Variants in BICD2 observed in about 807,000 individuals in gnomAD.
BICD2 encodes the protein protein bicaudal D homolog 2.
In BICD2, 25 loss-of-function variants were observed where a neutral mutation model predicts 72.9. The ratio of observed to expected loss-of-function variants is 0.34; its 90% CI spans 0.25 to 0.48. The LOEUF (loss-of-function observed/expected upper bound fraction) is 0.48. BICD2 is among the 20% of genes least tolerant of loss of function. The probability of loss-of-function intolerance (pLI) is 0.99; values close to 1 mark genes in which losing one functional copy is unlikely to be tolerated. For missense variants in BICD2, 894 were observed against 1,175.2 expected (o/e 0.76, Z 3.50); for synonymous variants, 501 against 516.1 (o/e 0.97, Z 0.40).
chr9:92,722,906 A>C lies in BICD2; in HGVS notation c.454-98T>G. The C allele has an allele frequency of 3.4e-6, 5 of 1,477,592 alleles. No homozygotes were observed. In the Admixed American group the frequency reaches 9.1e-5, roughly 27 times the overall value. The allele number at this position is 1,477,592 out of a possible 1,614,324, so 91.5% of individuals were successfully genotyped here. A position where few individuals can be genotyped will look rare whatever the true frequency, so the allele number is the denominator to read the frequency against. The stretch of plus-strand genomic sequence containing the variant: ...ACGCCATGGCCAGCCATACAGCCAG[A>C]ACTCAAGAGCCCTGGCCTGCAGGTG... On this transcript the variant is annotated intron_variant, in intron 2 of 6. Transcript: ENST00000356884.
intron 1 of BICD2, among the ~76,000 whole-genome samples, chr9:92,741,759 A>C (rs560593777): frequency 1.1e-4 from 16 of 152,376 alleles, no homozygotes; most frequent in African/African-American, 3.8e-4. Flanking sequence ...AGGCAGGACT[A>C]CACTCTCACC....
intron 1 of BICD2, among the ~76,000 whole-genome samples, chr9:92,760,185 C>G (rs1037276324): frequency 6.6e-6 from 1 of 152,178 alleles, no homozygotes; most frequent in African/African-American, 2.4e-5. Flanking sequence ...CGGTCCTGCT[C>G]AGGTGGTGCC....
At chr9:92,756,823 C>T (rs563964789) in intron 1 of BICD2, among the ~76,000 whole-genome samples, 7 of 150,874 alleles carry the variant, frequency 4.6e-5, no homozygotes, top group Admixed American at 1.3e-4. Flanking sequence ...GCAGACATCG[C>T]GCCACTGCAC....
At chr9:92,729,726 A>G (rs761088006) in intron 1 of BICD2, among the ~76,000 whole-genome samples, 16 of 152,216 alleles carry the variant, frequency 1.1e-4, no homozygotes, top group Non-Finnish European at 2.2e-4. Context: ...TCAGAGCCCC[A>G]GGCCCGAGGA....
At chr9:92,727,405 G>A (rs1190831598) in intron 2 of BICD2, among the ~76,000 whole-genome samples, 3 of 152,308 alleles carry the variant, frequency 2.0e-5, no homozygotes, top group Non-Finnish European at 2.9e-5. Flanking sequence ...CCTCTACAAC[G>A]GGCTTCAGAG....
intron 2 of BICD2, among the ~76,000 whole-genome samples, chr9:92,728,426 C>G: frequency 6.6e-6 from 1 of 152,226 alleles, no homozygotes; most frequent in East Asian, 1.9e-4. Context: ...CATGGGTACC[C>G]AGGACTCCAA....
At chr9:92,716,579 T>C (rs1189120743) in intron 6 of BICD2, among the ~76,000 whole-genome samples, 2 of 152,114 alleles carry the variant, frequency 1.3e-5, no homozygotes, top group African/African-American at 4.8e-5. Context: ...TGCTCACCCA[T>C]AAAAAGGAAA....
intron 1 of BICD2, among the ~76,000 whole-genome samples, chr9:92,760,344 G>C (rs1854346126): frequency 6.6e-6 from 1 of 152,182 alleles, no homozygotes; most frequent in Admixed American, 6.5e-5. Context: ...ATGGAGGGTG[G>C]CCAGGTCCAC....
Position 92,719,712 on chromosome 9 carries a change from C to T in BICD2, c.1063-130G>A, listed in dbSNP as rs12238691. ...GGCTGTCAGCCCCAGGTTCCTTGGC[C>T]ATGCTGTCAGTGAGGTGGACAAAGA... On this transcript the variant is annotated intron_variant, in intron 4 of 6. Coordinates refer to ENST00000356884, the MANE Select transcript of BICD2 (RefSeq NM_001003800.2). 0.2 allele frequency: 191,807 copies of T among 946,308 alleles called. 25,410 individuals are homozygous for T. The highest frequency in any genetic ancestry group is 0.65 in the East Asian group (24,599 of 37,898). The allele number at this position is 946,308 out of a possible 1,614,324, so 58.6% of individuals were successfully genotyped here.
chr9:92,739,007 G>A (rs1237876027), intron 1 of BICD2, among the ~76,000 whole-genome samples: 3 of 137,160 alleles, frequency 2.2e-5, no homozygotes, highest in South Asian at 3.0e-4. Context: ...AGCCTCCTGG[G>A]AACGGCGGGC....
rs1207903770 is a variant in BICD2, at chr9:92,720,587, T to G, written c.775A>C (p.Lys259Gln). The change falls in exon 4 of 7, where the codon AAG becomes CAG. Residue 259 changes from lysine (K) to glutamine (Q), a missense_variant. This residue lies in a region of BICD2 where 371 missense variants were observed against 439.1 expected (regional missense o/e 0.84). Coordinates refer to ENST00000356884, the MANE Select transcript of BICD2 (RefSeq NM_001003800.2). This position sits in a 1 kb window ranked among gnomAD's most constrained non-coding sequence, Gnocchi z 5.4. Reference protein sequence around the residue: ...TEREQKNSLRKELSHYMSIND... With the variant: ...TEREQKNSLRQELSHYMSIND... ...ATGCTCATGTAGTGTGACAGCTCCT[T>G]GCGCAGGCTGTTCTTCTGTTCGCGC... 6.2e-7 allele frequency: 1 copy of G among 1,614,208 alleles called. No individual in the cohort carries two copies. Among genetic ancestry groups the G allele is most frequent in the Non-Finnish European group, 8.5e-7 (1 of 1,180,040 alleles).
At chr9:92,760,254 C>G (rs1854344444) in intron 1 of BICD2, among the ~76,000 whole-genome samples, 1 of 152,194 alleles carries the variant, frequency 6.6e-6, no homozygotes, top group South Asian at 2.1e-4. Flanking sequence ...TCTGGATCCA[C>G]CTGCTAAGCC....
At chr9:92,730,015 GC>G (rs1192955075) in intron 1 of BICD2, among the ~76,000 whole-genome samples, 2 of 152,170 alleles carry the variant, frequency 1.3e-5, no homozygotes, top group East Asian at 1.9e-4. Context: ...CAAAATCCAG[GC>G]CAGCCAGCCT....
Position 92,764,454 on chromosome 9 carries a change from C to T in BICD2, c.240+51G>A, listed in dbSNP as rs755140150. The T allele has an allele frequency of 3.1e-5, 44 of 1,439,058 alleles. No individual in the cohort carries two copies. The highest frequency in any genetic ancestry group is 4.0e-5 in the Non-Finnish European group (44 of 1,090,972). The allele number at this position is 1,439,058 out of a possible 1,614,324, so 89.1% of individuals were successfully genotyped here. A position where few individuals can be genotyped will look rare whatever the true frequency, so the allele number is the denominator to read the frequency against. ...CCGCCCTGGTGCCAGGGACGACGCC[C>T]ACAGGCCCCGGCGCCGGGCGGGGGT... is the stretch of plus-strand genomic sequence containing the variant. On this transcript the variant is annotated intron_variant, in intron 1 of 6. Coordinates refer to ENST00000356884, the MANE Select transcript of BICD2 (RefSeq NM_001003800.2). The surrounding 1 kb of genome is among the most constrained non-coding windows in gnomAD (Gnocchi z 5.5).
intron 1 of BICD2, among the ~76,000 whole-genome samples, chr9:92,761,585 C>T (rs1307592998): frequency 6.6e-6 from 1 of 152,220 alleles, no homozygotes; most frequent in African/African-American, 2.4e-5. Flanking sequence ...GGGCACCTAG[C>T]CTTAGCCCAC....
intron 1 of BICD2, among the ~76,000 whole-genome samples, chr9:92,753,752 G>T (rs1446445625): frequency 6.6e-6 from 1 of 151,630 alleles, no homozygotes; most frequent in Non-Finnish European, 1.5e-5. Context: ...TGTTAGCCAG[G>T]ATGGTCTCGA....
At position 92,711,534 on chromosome 9, in the gene BICD2, T is replaced by C. The variant is rs558797603; in HGVS notation, c.*3620A>G. 2.0e-5 allele frequency: 3 copies of C among 152,666 alleles called. No individual in the cohort carries two copies. The highest frequency in any genetic ancestry group is 4.4e-5 in the Non-Finnish European group (3 of 68,052). 9.5% of individuals were successfully genotyped at this position (152,666 alleles called of 1,614,324 possible). A position where few individuals can be genotyped will look rare whatever the true frequency, so the allele number is the denominator to read the frequency against. On this transcript the variant is annotated 3_prime_UTR_variant, in exon 7 of 7. Transcript: ENST00000356884. ...CTTTTCCATGCTCTGCCTCATTTTC[T>C]CAGAAATTGAAGGCATTTGATTATT...
At position 92,714,047 on chromosome 9, in the gene BICD2, G is replaced by A; in HGVS notation, c.*1107C>T. The stretch of plus-strand genomic sequence containing the variant: ...AGGTGTGGATGGAGCCTCTGGAAAT[G>A]GGAGAACCCTACAGCTACCTTTCCT... On this transcript the variant is annotated 3_prime_UTR_variant, in exon 7 of 7. Coordinates refer to ENST00000356884, the MANE Select transcript of BICD2 (RefSeq NM_001003800.2). 2 of 986,132 alleles carry A rather than the reference G, an allele frequency of 2.0e-6. No homozygotes were observed. The highest frequency in any genetic ancestry group is 2.4e-6 in the Non-Finnish European group (2 of 830,424). The allele number at this position is 986,132 out of a possible 1,614,324, so 61.1% of individuals were successfully genotyped here. A position where few individuals can be genotyped will look rare whatever the true frequency, so the allele number is the denominator to read the frequency against.
chr9:92,736,201 A>T (rs1333429467), intron 1 of BICD2, among the ~76,000 whole-genome samples: 1 of 152,258 alleles, frequency 6.6e-6, no homozygotes, highest in Non-Finnish European at 1.5e-5. Context: ...AACTGCTGAT[A>T]AAACAGGTTG....
Sources: allele counts gnomAD v4.1 joint callset (sites outside exome capture counted in the v4.1 genomes callset), GRCh38; gene constraint gnomAD v4.1.1; regional missense constraint gnomAD v4.1.1; non-coding constraint Gnocchi (gnomAD v3.1); transcripts MANE v1.5; gene names NCBI Gene and HGNC (gene_info 2026-07-23, HGNC 2026-07-21).